IGSF10: variants seen among roughly 807,000 people sequenced by gnomAD.
IGSF10 encodes calvaria mechanical force protein 608.
Under a neutral mutation model 128.2 loss-of-function variants are expected in IGSF10, and 126 were observed. The ratio of observed to expected loss-of-function variants is 0.98; its 90% CI spans 0.85 to 1.14. The LOEUF (loss-of-function observed/expected upper bound fraction) is 1.14, where lower values mean the gene tolerates loss of function less well. Among genes scored for constraint, IGSF10 ranks in the 50% most tolerant of loss-of-function variants. The pLI, the probability that IGSF10 is intolerant of heterozygous loss-of-function variation, is 0.00. For synonymous variants in IGSF10, 1,185 were observed against 1,146.2 expected, an observed-to-expected ratio of 1.03 and a Z score of -0.68; for missense variants, 3,295 against 3,149.8, an observed-to-expected ratio of 1.05 and a Z score of -1.10.
chr3:151,451,186 C>A (rs1294442355), intron 5 of IGSF10, among the ~76,000 whole-genome samples: 1 of 152,134 alleles, frequency 6.6e-6, no homozygotes, highest in South Asian at 2.1e-4. Flanking sequence ...ATTCCTCAAC[C>A]CTGCCATGCC....
chr3:151,572,315 C>T, the IGSF10 span, among the ~76,000 whole-genome samples: 1 of 152,120 alleles, frequency 6.6e-6, no homozygotes, highest in African/African-American at 2.4e-5. Context: ...CTCTTTGTAC[C>T]TCTGGTAGAA....
At chr3:151,560,562 C>T in the IGSF10 span, among the ~76,000 whole-genome samples, 2 of 152,066 alleles carry the variant, frequency 1.3e-5, no homozygotes, top group Non-Finnish European at 2.9e-5. Flanking sequence ...TTTTCCCACC[C>T]CTATAACGTC....
the IGSF10 span, among the ~76,000 whole-genome samples, chr3:151,527,803 A>G: frequency 6.6e-6 from 1 of 150,898 alleles, no homozygotes; most frequent in South Asian, 2.1e-4. Flanking sequence ...TTTTTTTTTA[A>G]TTAGCTGGGC....
chr3:151,476,821 C>A, the IGSF10 span, among the ~76,000 whole-genome samples: 2 of 152,136 alleles, frequency 1.3e-5, no homozygotes, highest in Admixed American at 6.5e-5. Flanking sequence ...TTTCTAAGAG[C>A]AAGTGGAGAG....
At chr3:151,459,360 C>G (rs1282397399) in intron 2 of IGSF10, among the ~76,000 whole-genome samples, 1 of 152,074 alleles carries the variant, frequency 6.6e-6, no homozygotes, top group Non-Finnish European at 1.5e-5. Context: ...ATTAAACCTT[C>G]TTCAGAAACA....
chr3:151,514,562 A>G, the IGSF10 span, among the ~76,000 whole-genome samples: 4 of 152,090 alleles, frequency 2.6e-5, no homozygotes, highest in Non-Finnish European at 4.4e-5. Context: ...CATGGGGAAG[A>G]ACTTCATGTC....
chr3:151,473,286 C>T, the IGSF10 span, among the ~76,000 whole-genome samples: 3 of 152,166 alleles, frequency 2.0e-5, no homozygotes, highest in African/African-American at 4.8e-5. Flanking sequence ...GAAATGATTC[C>T]ACTGATGCCA....
chr3:151,480,564 G>C, the IGSF10 span, among the ~76,000 whole-genome samples: 1 of 152,074 alleles, frequency 6.6e-6, no homozygotes, highest in African/African-American at 2.4e-5. Flanking sequence ...TATAAGCAGA[G>C]GCACAGTTAG....
At chr3:151,533,351 C>T in the IGSF10 span, among the ~76,000 whole-genome samples, 33 of 152,194 alleles carry the variant, frequency 2.2e-4, no homozygotes, top group East Asian at 7.7e-4. Flanking sequence ...CCCACATAGC[C>T]AAGACAATCT....
At chr3:151,441,843 C>T (rs1263058056) in intron 7 of IGSF10, among the ~76,000 whole-genome samples, 7 of 152,168 alleles carry the variant, frequency 4.6e-5, no homozygotes, top group Non-Finnish European at 5.9e-5. Flanking sequence ...GGGCAGATCA[C>T]GAGGTCAGGA....
At chr3:151,461,440 A>G (rs1722057615), upstream of IGSF10, 3 of 984,004 alleles carry the variant, frequency 3.0e-6, no homozygotes, top group South Asian at 1.4e-4. Context: ...TGCAGTGTCA[A>G]TGTTTTATTT....
the IGSF10 span, among the ~76,000 whole-genome samples, chr3:151,614,433 A>T: frequency 9.2e-5 from 14 of 152,244 alleles, no homozygotes; most frequent in Admixed American, 9.2e-4. Context: ...AATGTCCAAC[A>T]ACGATAGACT....
chr3:151,473,371 A>G, the IGSF10 span, among the ~76,000 whole-genome samples: 1 of 152,218 alleles, frequency 6.6e-6, no homozygotes, highest in Non-Finnish European at 1.5e-5. Flanking sequence ...TTGATATTCT[A>G]AACATCACTG....
the IGSF10 span, among the ~76,000 whole-genome samples, chr3:151,610,457 T>C: frequency 6.6e-6 from 1 of 152,164 alleles, no homozygotes; most frequent in African/African-American, 2.4e-5. Flanking sequence ...TGAAAAACTT[T>C]ATATGGAGGC....
chr3:151,544,167 C>T, the IGSF10 span, among the ~76,000 whole-genome samples: 3 of 152,208 alleles, frequency 2.0e-5, no homozygotes, highest in Non-Finnish European at 4.4e-5. Context: ...CCTCAGCCTC[C>T]CAAAGTGCTG....
the IGSF10 span, among the ~76,000 whole-genome samples, chr3:151,570,520 G>A: frequency 1.3e-5 from 2 of 152,206 alleles, no homozygotes; most frequent in African/African-American, 2.4e-5. Flanking sequence ...TCTGTTGGCT[G>A]TATAAATGTC....
the IGSF10 span, among the ~76,000 whole-genome samples, chr3:151,554,885 A>G: frequency 6.6e-6 from 1 of 152,140 alleles, no homozygotes; most frequent in Non-Finnish European, 1.5e-5. Context: ...CTATCCAGAG[A>G]TCTGTGGGAA....
the IGSF10 span, among the ~76,000 whole-genome samples, chr3:151,537,730 A>G: frequency 2.0e-5 from 3 of 152,262 alleles, no homozygotes; most frequent in Admixed American, 6.5e-5. Context: ...TAAAAAAAAT[A>G]ATAATCTCTT....
Position 151,437,715 on chromosome 3 carries a change from T to G in IGSF10, c.6846A>C (p.Thr2282=). Residue 2282 remains threonine, a synonymous_variant, in exon 8 of 8, where the codon ACA becomes ACC. Coordinates refer to ENST00000282466, the MANE Select transcript of IGSF10 (RefSeq NM_178822.5). ...TGATTCTGCTTCCATAGTATGGGGC[T>G]GTGAGGAAAATATTGTCTGGCATGA... ...MWIMPDNIFL[T]APYYGSRITV... is the part of the protein sequence containing the mutation. The G allele has an allele frequency of 6.2e-7, 1 of 1,614,164 alleles. No individual in the cohort carries two copies. Among genetic ancestry groups the G allele is most frequent in the African/African-American group, 1.3e-5 (1 of 75,058 alleles).
Sources: allele counts gnomAD v4.1 joint callset (sites outside exome capture counted in the v4.1 genomes callset), GRCh38; gene constraint gnomAD v4.1.1; transcripts MANE v1.5; gene names NCBI Gene and HGNC (gene_info 2026-07-23, HGNC 2026-07-21).